The following WWOX variants were observed in gnomAD, a reference collection of about 807,000 sequenced individuals.
WWOX encodes WW domain containing oxidoreductase, also known as WW domain-containing oxidoreductase.
Under a neutral mutation model 46.2 loss-of-function variants are expected in WWOX, and 69 were observed. The ratio of observed to expected loss-of-function variants is 1.49; its 90% CI spans 1.23 to 1.82. The LOEUF is 1.82. Ranked by LOEUF, WWOX falls within the 40% of genes most tolerant of loss-of-function variation. The pLI, the probability that WWOX is intolerant of heterozygous loss-of-function variation, is 0.00. For missense variants in WWOX, 919 were observed against 542.6 expected, an observed-to-expected ratio of 1.69 and a Z score of -6.89; for synonymous variants, 359 against 202.6, an observed-to-expected ratio of 1.77 and a Z score of -6.56.
At chr16:78,454,849 C>A (rs1368910118) in intron 8 of WWOX, among the ~76,000 whole-genome samples, 1 of 152,110 alleles carries the variant, frequency 6.6e-6, no homozygotes, top group African/African-American at 2.4e-5. Flanking sequence ...AGTTTCAATA[C>A]CAACTGTTGC....
chr16:79,033,567 A>G (rs867388303), intron 8 of WWOX, among the ~76,000 whole-genome samples: 1 of 152,066 alleles, frequency 6.6e-6, no homozygotes, highest in Admixed American at 6.6e-5. Context: ...CCACCCCTTT[A>G]TCAACATCAT....
chr16:78,541,677 A>AT (rs1207825835), intron 8 of WWOX, among the ~76,000 whole-genome samples: 1 of 151,978 alleles, frequency 6.6e-6, no homozygotes, highest in Non-Finnish European at 1.5e-5. Context: ...GAGGTGTGAC[A>AT]TTGAAAAAGT....
intron 5 of WWOX, among the ~76,000 whole-genome samples, chr16:78,207,200 C>A (rs2036422159): frequency 6.6e-6 from 1 of 152,174 alleles, no homozygotes; most frequent in Non-Finnish European, 1.5e-5. Flanking sequence ...CCCACATGGA[C>A]CTACTCTATC....
chr16:78,213,640 G>T (rs908679175), intron 5 of WWOX, among the ~76,000 whole-genome samples: 4 of 151,844 alleles, frequency 2.6e-5, no homozygotes, highest in Non-Finnish European at 4.4e-5. Context: ...AAAAAGAACT[G>T]GCATAGCACC....
chr16:78,982,272 T>C (rs2046697822), intron 8 of WWOX, among the ~76,000 whole-genome samples: 1 of 152,206 alleles, frequency 6.6e-6, no homozygotes, highest in Non-Finnish European at 1.5e-5. Context: ...ACAGGCAAGT[T>C]TGAATCACTT....
At chr16:78,797,358 T>TAAAAAAAAAA (rs57291441) in intron 8 of WWOX, among the ~76,000 whole-genome samples, 14 of 116,618 alleles carry the variant, frequency 1.2e-4, no homozygotes, top group African/African-American at 5.3e-4. Flanking sequence ...GTCAAAGTGG[T>TAAAAAAAAAA]AAAAAAAAAA....
At chr16:78,744,493 A>G (rs917016702) in intron 8 of WWOX, among the ~76,000 whole-genome samples, 3 of 130,942 alleles carry the variant, frequency 2.3e-5, no homozygotes, top group Non-Finnish European at 4.6e-5. Context: ...GTGCAGTGGC[A>G]CAGTCTTGGC....
chr16:78,490,402 G>C (rs2084751070), intron 8 of WWOX, among the ~76,000 whole-genome samples: 1 of 152,172 alleles, frequency 6.6e-6, no homozygotes. Context: ...AGTTACCTTT[G>C]TCTTCATTGA....
At chr16:78,446,958 A>G (rs907040257) in intron 8 of WWOX, among the ~76,000 whole-genome samples, 1 of 152,056 alleles carries the variant, frequency 6.6e-6, no homozygotes, top group Non-Finnish European at 1.5e-5. Flanking sequence ...ACTGCCAATT[A>G]TATACTTATT....
At chr16:78,455,711 A>C (rs115637051) in intron 8 of WWOX, among the ~76,000 whole-genome samples, 19 of 151,264 alleles carry the variant, frequency 1.3e-4, no homozygotes, top group African/African-American at 4.1e-4. Context: ...TTCAAAATTT[A>C]AATCAAGACA....
At chr16:78,612,364 A>G (rs2045921839) in intron 8 of WWOX, among the ~76,000 whole-genome samples, 1 of 152,236 alleles carries the variant, frequency 6.6e-6, no homozygotes, top group African/African-American at 2.4e-5. Flanking sequence ...CATCCTATGA[A>G]GGAGGGCCCA....
At chr16:78,481,949 A>T (rs2084503549) in intron 8 of WWOX, among the ~76,000 whole-genome samples, 2 of 152,120 alleles carry the variant, frequency 1.3e-5, no homozygotes, top group Admixed American at 6.6e-5. Flanking sequence ...ACTTTCTCAC[A>T]TCCTTGGTTA....
intron 8 of WWOX, among the ~76,000 whole-genome samples, chr16:78,703,502 G>C (rs1289423711): frequency 6.6e-6 from 1 of 151,812 alleles, no homozygotes; most frequent in Non-Finnish European, 1.5e-5. Context: ...TGTAGCTCCA[G>C]CTACTCAGAG....
At chr16:78,731,114 T>C (rs1382604563) in intron 8 of WWOX, among the ~76,000 whole-genome samples, 3 of 152,198 alleles carry the variant, frequency 2.0e-5, no homozygotes, top group East Asian at 1.9e-4. Context: ...CTTTTGTTTT[T>C]TGAGTGAATC....
chr16:78,958,795 C>G (rs2046218711), intron 8 of WWOX, among the ~76,000 whole-genome samples: 1 of 152,100 alleles, frequency 6.6e-6, no homozygotes, highest in Non-Finnish European at 1.5e-5. Context: ...GAAAATAGGA[C>G]ATGGTTGGGG....
At chr16:78,494,584 C>G (rs1189461667) in intron 8 of WWOX, among the ~76,000 whole-genome samples, 1 of 152,178 alleles carries the variant, frequency 6.6e-6, no homozygotes, top group Admixed American at 6.5e-5. Context: ...AGATCTTTTT[C>G]ATTTAAAGTC....
Position 78,216,788 on chromosome 16 carries a change from G to A in WWOX, c.516+52499G>A, listed in dbSNP as rs559250164. On this transcript the variant is annotated intron_variant, in intron 5 of 8. Coordinates refer to ENST00000566780, the MANE Select transcript of WWOX (RefSeq NM_016373.4). The stretch of plus-strand genomic sequence containing the variant: ...GCTTTGTTGCCCAGACTGGAGTGCA[G>A]TGGCTTGATCTTGGCTCACTGCAAC... Among the ~76,000 whole-genome samples, 5 of 152,078 alleles carry A rather than the reference G, an allele frequency of 3.3e-5. No individual in the cohort carries two copies. In the East Asian group the frequency reaches 9.7e-4, roughly 30 times the overall value.
rs369834528 is a variant in WWOX at position 78,947,791 on chromosome 16, C to G, written c.1057-263817C>G. On this transcript the variant is annotated intron_variant, in intron 8 of 8. Transcript: ENST00000566780. Reference sequence around the variant, plus strand: ...TTGCCTCCAGGGGCTAAATTGGAAACCTAATTTTAGATGCATAAAAGCCAA... The same window carrying G: ...TTGCCTCCAGGGGCTAAATTGGAAAGCTAATTTTAGATGCATAAAAGCCAA... Among the ~76,000 whole-genome samples, 148 of 152,226 alleles carry G rather than the reference C, an allele frequency of 9.7e-4. 3 individuals carry two copies. The highest frequency in any genetic ancestry group is 3.4e-3 in the Middle Eastern group (1 of 294).
At chr16:78,646,060 C>A (rs1403675986) in intron 8 of WWOX, among the ~76,000 whole-genome samples, 1 of 152,096 alleles carries the variant, frequency 6.6e-6, no homozygotes, top group African/African-American at 2.4e-5. Context: ...CTGCATTGGT[C>A]TTCCTTGGGT....
Sources: allele counts gnomAD v4.1 joint callset (sites outside exome capture counted in the v4.1 genomes callset), GRCh38; gene constraint gnomAD v4.1.1; transcripts MANE v1.5; gene names NCBI Gene and HGNC (gene_info 2026-07-23, HGNC 2026-07-21).